Variants in PPP2R1A observed in about 807,000 individuals in gnomAD.
PPP2R1A encodes the protein protein phosphatase 2 scaffold subunit Aalpha.
PPP2R1A carries 15 observed loss-of-function variants against 67.1 expected under a neutral mutation model. The ratio of observed to expected loss-of-function variants is 0.22; its 90% CI spans 0.15 to 0.34. The LOEUF is 0.34. PPP2R1A is among the 10% of genes least tolerant of loss of function. The pLI, the probability that PPP2R1A is intolerant of heterozygous loss-of-function variation, is 1.00. For synonymous variants in PPP2R1A, 337 were observed against 325.0 expected (o/e 1.04, Z -0.40); for missense variants, 369 against 775.0 (o/e 0.48, Z 6.22).
intron 1 of PPP2R1A, among the ~76,000 whole-genome samples, chr19:52,196,061 C>T (rs748771334): frequency 4.6e-5 from 7 of 152,126 alleles, no homozygotes; most frequent in Non-Finnish European, 1.0e-4. Context: ...ATACAAAAAG[C>T]GCCTTGGAGA....
intron 3 of PPP2R1A, among the ~76,000 whole-genome samples, chr19:52,209,256 G>A (rs555343753): frequency 2.6e-5 from 4 of 152,282 alleles, no homozygotes; most frequent in East Asian, 3.9e-4. Context: ...TGTTGATTGA[G>A]TACCTTCTCT....
chr19:52,191,205 G>C (rs1196226721), intron 1 of PPP2R1A: 2 of 152,274 alleles, frequency 1.3e-5, no homozygotes, highest in Non-Finnish European at 2.9e-5. Flanking sequence ...CCAAGGCTCT[G>C]AGCCGGGCTG....
At chr19:52,220,883 G>A in intron 11 of PPP2R1A, 96 bp from the exon 12 acceptor site, 1 of 1,439,134 alleles carries the variant, frequency 6.9e-7, no homozygotes, top group Non-Finnish European at 9.6e-7. Flanking sequence ...GCACCTAGGG[G>A]CTGCTTTGTA....
At chr19:52,217,079 A>G (rs1015256692) in intron 9 of PPP2R1A, among the ~76,000 whole-genome samples, 14 of 152,042 alleles carry the variant, frequency 9.2e-5, no homozygotes, top group African/African-American at 3.4e-4. Flanking sequence ...AATCTCAGCT[A>G]CTCGGGCAGC....
Position 52,216,639 on chromosome 19 carries a change from C to A in PPP2R1A, c.1104C>A (p.Leu368=), listed in dbSNP as rs1179597654. The A allele has an allele frequency of 8.1e-6, 13 of 1,614,078 alleles. No individual in the cohort carries two copies. The highest frequency in any genetic ancestry group is 2.7e-5 in the African/African-American group (2 of 74,930). The part of the protein sequence containing the change: ...KDNTIEHLLP[L]FLAQLKDECP... ...ACACCATCGAGCACCTCTTGCCCCT[C>A]TTCCTGGCTCAGCTGAAGGATGAGG... Residue 368 remains leucine (L), a synonymous_variant, in exon 9 of 15, where the codon CTC becomes CTA. Transcript: ENST00000322088. This position sits in a 1 kb window ranked among gnomAD's most constrained non-coding sequence, Gnocchi z 4.3.
chr19:52,208,750 T>C (rs1336305412), intron 3 of PPP2R1A, among the ~76,000 whole-genome samples: 1 of 151,508 alleles, frequency 6.6e-6, no homozygotes, highest in Non-Finnish European at 1.5e-5. Context: ...TCACCTGCCT[T>C]GGCCTCCCAA....
intron 6 of PPP2R1A, among the ~76,000 whole-genome samples, chr19:52,214,853 A>C (rs1330479504): frequency 6.6e-6 from 1 of 151,676 alleles, no homozygotes. Flanking sequence ...TAGCCTCCTG[A>C]GTAGCTGGAA....
intron 11 of PPP2R1A, 152 bp from the exon 12 acceptor site, chr19:52,220,827 G>T: frequency 2.4e-6 from 2 of 834,906 alleles, no homozygotes; most frequent in Non-Finnish European, 3.8e-6. Context: ...ACTAGATATA[G>T]CACATAGTAA....
chr19:52,200,031 T>C (rs1255764764), intron 1 of PPP2R1A, among the ~76,000 whole-genome samples: 3 of 152,202 alleles, frequency 2.0e-5, no homozygotes, highest in Admixed American at 2.0e-4. Context: ...ATTCTTCAAC[T>C]CCTGGACCGG....
In PPP2R1A at chr19:52,211,685, C is replaced by A; in HGVS notation, c.503+193C>A. ...ACACGGCCACGTGTCAGTTTACCCA[C>A]CTCTGCCCCCTTGCTCACTTAGGAA... is the stretch of plus-strand genomic sequence containing the variant. On this transcript the variant is annotated intron_variant, in intron 4 of 14. Coordinates refer to ENST00000322088, the MANE Select transcript of PPP2R1A (RefSeq NM_014225.6). The surrounding 1 kb of genome is among the most constrained non-coding windows in gnomAD (Gnocchi z 5.3). 1 of 606,738 alleles carries A rather than the reference C, an allele frequency of 1.6e-6. No homozygotes were observed. Among genetic ancestry groups the A allele is most frequent in the Non-Finnish European group, 2.9e-6 (1 of 346,076 alleles). 37.6% of individuals were successfully genotyped at this position (606,738 alleles called of 1,614,324 possible).
chr19:52,198,867 G>A (rs2089521386), intron 1 of PPP2R1A, among the ~76,000 whole-genome samples: 1 of 152,206 alleles, frequency 6.6e-6, no homozygotes, highest in South Asian at 2.1e-4. Flanking sequence ...GCAGTTATGA[G>A]GATTCAGTGT....
At chr19:52,193,393 C>T (rs1466961974) in intron 1 of PPP2R1A, among the ~76,000 whole-genome samples, 4 of 152,194 alleles carry the variant, frequency 2.6e-5, no homozygotes, top group African/African-American at 9.7e-5. Context: ...TCAGCACCTC[C>T]TGTGTGCCAG....
chr19:52,201,614 TG>T, intron 1 of PPP2R1A: 1 of 285,756 alleles, frequency 3.5e-6, no homozygotes, highest in South Asian at 4.4e-5. Context: ...TACATGATAC[TG>T]TGTATAGGAG....
At chr19:52,204,773 A>C (rs1056121140) in intron 2 of PPP2R1A, among the ~76,000 whole-genome samples, 2 of 152,168 alleles carry the variant, frequency 1.3e-5, no homozygotes, top group African/African-American at 4.8e-5. Context: ...TATTTATTGA[A>C]GGAAGAGGCA....
At position 52,218,857 on chromosome 19, in the gene PPP2R1A, C is replaced by T. The variant is rs977334584; in HGVS notation, c.1129-834C>T. 3.3e-5 allele frequency among the ~76,000 whole-genome samples: 5 copies of T among 152,244 alleles called. No homozygotes were observed. In the South Asian group the frequency reaches 8.3e-4, roughly 25 times the overall value. On this transcript the variant is annotated intron_variant, in intron 9 of 14. Transcript: ENST00000322088. ...CCTTCAGCAAGCGCTATATGGTAAT[C>T]GTGTGCTGGCAGCCAGCCTGTCTCA...
rs1010961391 is a variant in PPP2R1A, at chr19:52,229,518, A to G, written c.*3537A>G. The G allele has an allele frequency of 7.2e-5, 11 of 152,262 alleles. No individual in the cohort carries two copies. The highest frequency in any genetic ancestry group is 1.2e-4 in the Non-Finnish European group (8 of 68,084). The allele number at this position is 152,262 out of a possible 1,614,324, so 9.4% of individuals were successfully genotyped here. On this transcript the variant is annotated 3_prime_UTR_variant, in exon 15 of 15. Coordinates refer to ENST00000322088, the MANE Select transcript of PPP2R1A (RefSeq NM_014225.6). ...AGATTTAGTGCCAGGCCTTGACTCC[A>G]GCAGGCCTTCCCCGCTCTCTCGATG...
intron 1 of PPP2R1A, 129 bp downstream of exon 1, chr19:52,190,303 C>T (rs1385827877): frequency 1.1e-5 from 12 of 1,105,200 alleles, no homozygotes; most frequent in African/African-American, 3.2e-5. Flanking sequence ...GCGTGCGTCT[C>T]TTATCTCCCC....
intron 2 of PPP2R1A, 52 bp downstream of exon 2, chr19:52,202,086 T>G: frequency 1.4e-6 from 2 of 1,456,042 alleles, no homozygotes; most frequent in Non-Finnish European, 1.9e-6. Context: ...GGGAGGTGGT[T>G]TTCACTATAT....
At chr19:52,190,966 C>T (rs894625968) in intron 1 of PPP2R1A, 6 of 152,232 alleles carry the variant, frequency 3.9e-5, no homozygotes, top group South Asian at 4.1e-4. Context: ...TTCAAACCAT[C>T]CTCGCCCCTC....
Sources: gnomAD v4.1 joint callset for allele counts (sites outside exome capture counted in the v4.1 genomes callset) on GRCh38, gnomAD v4.1.1 for gene constraint, Gnocchi (gnomAD v3.1) non-coding constraint, MANE v1.5 for transcripts, NCBI Gene and HGNC (gene_info 2026-07-23, HGNC 2026-07-21) for gene names.